Variants in ZDHHC13 observed in about 807,000 individuals in gnomAD.
The protein encoded by ZDHHC13 is zDHHC palmitoyltransferase 13.
In ZDHHC13, 85 loss-of-function variants were observed where a neutral mutation model predicts 86.0. The ratio of observed to expected loss-of-function variants is 0.99; its 90% CI spans 0.83 to 1.18. The LOEUF (loss-of-function observed/expected upper bound fraction) is 1.18, where lower values mean the gene tolerates loss of function less well. Ranked by LOEUF, ZDHHC13 falls within the 50% of genes most tolerant of loss-of-function variation. The pLI is 0.00. For missense variants in ZDHHC13, 711 were observed against 730.2 expected (o/e 0.97, Z 0.30); for synonymous variants, 263 against 246.4 (o/e 1.07, Z -0.63).
At chr11:19,148,369 T>A (rs543849235) in intron 4 of ZDHHC13, among the ~76,000 whole-genome samples, 1 of 152,226 alleles carries the variant, frequency 6.6e-6, no homozygotes, top group South Asian at 2.1e-4. Context: ...CTAGGGTTAC[T>A]TCATGCCCTT....
At position 19,161,943 on chromosome 11, in the gene ZDHHC13, C is replaced by T. The variant is rs188359302; in HGVS notation, c.1109-1360C>T. Among the ~76,000 whole-genome samples, 118 of 152,246 alleles carry T rather than the reference C, an allele frequency of 7.8e-4. 1 individual carries two copies. The highest frequency in any genetic ancestry group is 2.6e-3 in the African/African-American group (110 of 41,552). ...TCCAAGCAAAAGACAACAGCAGCTT[C>T]TCTGTCCTCTACACTGGTGTTTGCT... On this transcript the variant is annotated intron_variant, in intron 10 of 16. Transcript: ENST00000446113.
At chr11:19,152,826 A>AT in intron 8 of ZDHHC13, 142 bp downstream of exon 8, 1 of 1,346,480 alleles carries the variant, frequency 7.4e-7, no homozygotes, top group Non-Finnish European at 1.0e-6. Context: ...CCCGCATCCT[A>AT]TTACCCAAAG....
chr11:19,139,176 G>T lies in ZDHHC13; in HGVS notation c.28-3802G>T, dbSNP rs1434223399. On this transcript the variant is annotated intron_variant, in intron 1 of 16. Transcript: ENST00000446113. Reference sequence around the variant, plus strand: ...ATATCTAGAAAACCCCATTGTCTCAGCCCAAAATCTCCTTAAGCTGATAAG... The same window carrying T: ...ATATCTAGAAAACCCCATTGTCTCATCCCAAAATCTCCTTAAGCTGATAAG... 6.1e-3 allele frequency among the ~76,000 whole-genome samples: 922 copies of T among 151,634 alleles called. 7 individuals are homozygous for T. The highest frequency in any genetic ancestry group is 0.021 in the African/African-American group (869 of 41,312).
chr11:19,134,335 A>C (rs1316278752), intron 1 of ZDHHC13, among the ~76,000 whole-genome samples: 1 of 152,118 alleles, frequency 6.6e-6, no homozygotes, highest in Admixed American at 6.5e-5. Context: ...GTCTCTACAA[A>C]ACTAAAAACT....
rs1364121367 is a variant in ZDHHC13 at position 19,134,244 on chromosome 11, C to G, written c.28-8734C>G. Among the ~76,000 whole-genome samples the G allele has an allele frequency of 2.0e-5, 3 of 151,872 alleles. No homozygotes were observed. The East Asian group carries it at 5.8e-4, about 29-fold the overall frequency. On this transcript the variant is annotated intron_variant, in intron 1 of 16. Transcript: ENST00000446113. Reference sequence around the variant, plus strand: ...GGTGTGGTGGCTTACACCTGTAATCCCAGTACTTTGGGAAACAGAGGCAAG... The same window carrying G: ...GGTGTGGTGGCTTACACCTGTAATCGCAGTACTTTGGGAAACAGAGGCAAG...
At chr11:19,143,909 C>T (rs1849389949) in intron 2 of ZDHHC13, among the ~76,000 whole-genome samples, 1 of 152,114 alleles carries the variant, frequency 6.6e-6, no homozygotes, top group Non-Finnish European at 1.5e-5. Flanking sequence ...TAAATCTGCC[C>T]AGCAGATTGC....
intron 15 of ZDHHC13, 101 bp downstream of exon 15, chr11:19,170,669 C>G (rs1850197899): frequency 8.8e-7 from 1 of 1,139,486 alleles, no homozygotes; most frequent in Non-Finnish European, 1.2e-6. Context: ...TCTGTTTTTA[C>G]CTCTGTCACT....
chr11:19,156,497 T>C (rs181978598), intron 9 of ZDHHC13, among the ~76,000 whole-genome samples: 7 of 152,294 alleles, frequency 4.6e-5, no homozygotes, highest in African/African-American at 1.4e-4. Flanking sequence ...TTGAACAAGT[T>C]GCTATAAAAT....
chr11:19,170,197 C>G (rs1221227985), intron 14 of ZDHHC13: 1 of 1,370,032 alleles, frequency 7.3e-7, no homozygotes, highest in Non-Finnish European at 9.3e-7. Context: ...ACTACTTATA[C>G]AGTGTTATCA....
At chr11:19,132,249 A>G (rs897448295) in intron 1 of ZDHHC13, among the ~76,000 whole-genome samples, 7 of 152,166 alleles carry the variant, frequency 4.6e-5, no homozygotes, top group Non-Finnish European at 7.3e-5. Flanking sequence ...ATGTTGCTCA[A>G]TTTGAGTCCT....
At chr11:19,141,949 A>T (rs556665754) in intron 1 of ZDHHC13, among the ~76,000 whole-genome samples, 6 of 152,290 alleles carry the variant, frequency 3.9e-5, no homozygotes, top group African/African-American at 1.4e-4. Context: ...CCATTACTGT[A>T]TAACAAATTA....
At chr11:19,161,171 T>C (rs1224917027) in intron 10 of ZDHHC13, among the ~76,000 whole-genome samples, 1 of 152,026 alleles carries the variant, frequency 6.6e-6, no homozygotes, top group Non-Finnish European at 1.5e-5. Context: ...CCGTCTGGAT[T>C]GAATAAGGGC....
chr11:19,164,426 T>A, intron 12 of ZDHHC13, 63 bp downstream of exon 12: 2 of 1,476,626 alleles, frequency 1.4e-6, no homozygotes, highest in Non-Finnish European at 1.9e-6. Context: ...GTTGCTGATG[T>A]AAGCATTTGT....
chr11:19,131,368 C>T (rs1848996905), intron 1 of ZDHHC13, among the ~76,000 whole-genome samples: 1 of 151,992 alleles, frequency 6.6e-6, no homozygotes, highest in Non-Finnish European at 1.5e-5. Context: ...CGGGGCTTAT[C>T]CTACTTGGGA....
intron 6 of ZDHHC13, among the ~76,000 whole-genome samples, chr11:19,151,407 T>C (rs981484656): frequency 2.0e-5 from 3 of 152,132 alleles, no homozygotes; most frequent in East Asian, 1.9e-4. Flanking sequence ...TTGTATTGAA[T>C]CTCTGATTTT....
Position 19,117,373 on chromosome 11 carries a change from G to A in ZDHHC13, c.27+97G>A. ...TGGGTGAGAGGCCGCTCGATGAGGG[G>A]GTTTCGGGAGCGGCGGGGCCTAGGT... is the stretch of plus-strand genomic sequence containing the variant. On this transcript the variant is annotated intron_variant, in intron 1 of 16. Transcript: ENST00000446113. This position sits in a 1 kb window ranked among gnomAD's most constrained non-coding sequence, Gnocchi z 4.2. The A allele has an allele frequency of 7.9e-7, 1 of 1,267,942 alleles. No individual in the cohort carries two copies. The highest frequency in any genetic ancestry group is 1.0e-6 in the Non-Finnish European group (1 of 966,250). The allele number at this position is 1,267,942 out of a possible 1,614,324, so 78.5% of individuals were successfully genotyped here.
intron 14 of ZDHHC13, chr11:19,169,823 A>G (rs370813571): frequency 4.1e-6 from 4 of 985,468 alleles, no homozygotes; most frequent in African/African-American, 3.5e-5. Flanking sequence ...ATCTTGCTCT[A>G]TATTCTTTTC....
chr11:19,119,341 G>A (rs1848712213), intron 1 of ZDHHC13, among the ~76,000 whole-genome samples: 1 of 152,138 alleles, frequency 6.6e-6, no homozygotes, highest in Non-Finnish European at 1.5e-5. Context: ...TCCTGACCTT[G>A]TGATCCGCCC....
At chr11:19,126,566 T>A (rs1390929549) in intron 1 of ZDHHC13, among the ~76,000 whole-genome samples, 2 of 149,438 alleles carry the variant, frequency 1.3e-5, no homozygotes, top group African/African-American at 5.0e-5. Context: ...ACCAGGCTGT[T>A]CTTGAACTCC....
Sources: gnomAD v4.1 joint callset for allele counts (sites outside exome capture counted in the v4.1 genomes callset) on GRCh38, gnomAD v4.1.1 for gene constraint, Gnocchi (gnomAD v3.1) non-coding constraint, MANE v1.5 for transcripts, NCBI Gene and HGNC (gene_info 2026-07-23, HGNC 2026-07-21) for gene names.